TENM4: variants seen among roughly 807,000 people sequenced by gnomAD.
The protein encoded by TENM4 is teneurin transmembrane protein 4.
A neutral mutation model predicts 243.3 loss-of-function variants in TENM4; 82 were observed. The observed-to-expected ratio is 0.34, with a 90% CI of 0.28 to 0.40. The LOEUF is 0.40. TENM4 is among the 10% of genes least tolerant of loss of function. TENM4 has a pLI of 1.00. For missense variants in TENM4, 3,138 were observed against 3,673.3 expected, an observed-to-expected ratio of 0.85 and a Z score of 3.77; for synonymous variants, 1,412 against 1,456.3, an observed-to-expected ratio of 0.97 and a Z score of 0.69.
chr11:78,717,986 C>T (rs1266995688), intron 25 of TENM4, among the ~76,000 whole-genome samples: 1 of 152,228 alleles, frequency 6.6e-6, no homozygotes, highest in African/African-American at 2.4e-5. Context: ...ACACAGCAGG[C>T]TGGCACTGAG....
intron 12 of TENM4, among the ~76,000 whole-genome samples, chr11:78,836,339 A>C (rs1386408197): frequency 6.6e-6 from 1 of 152,218 alleles, no homozygotes; most frequent in African/African-American, 2.4e-5. Flanking sequence ...AACAAGAGTG[A>C]GACTCTGTCC....
intron 1 of TENM4, among the ~76,000 whole-genome samples, chr11:79,379,931 T>C (rs1244506575): frequency 6.6e-6 from 1 of 152,146 alleles, no homozygotes; most frequent in Non-Finnish European, 1.5e-5. Context: ...TGTCAGGGGC[T>C]GGGGGATCAA....
chr11:78,720,497 A>G (rs1859622882), intron 24 of TENM4, 107 bp from the exon 25 acceptor site: 1 of 1,076,740 alleles, frequency 9.3e-7, no homozygotes, highest in Non-Finnish European at 1.4e-6. Context: ...GGTACTATAC[A>G]ATACTGTAAT....
chr11:78,951,392 G>T (rs1857106199), intron 6 of TENM4, among the ~76,000 whole-genome samples: 1 of 152,198 alleles, frequency 6.6e-6, no homozygotes, highest in Admixed American at 6.5e-5. Flanking sequence ...CCACAATTAG[G>T]TTGGGAGCAT....
intron 3 of TENM4, among the ~76,000 whole-genome samples, chr11:79,207,309 A>G (rs933721239): frequency 6.6e-6 from 1 of 152,226 alleles, no homozygotes; most frequent in Non-Finnish European, 1.5e-5. Flanking sequence ...AAGAATAATA[A>G]TATCCCAACT....
At chr11:78,903,547 G>C (rs776801061) in intron 6 of TENM4, 24 bp from the exon 7 acceptor site, 15 of 1,542,704 alleles carry the variant, frequency 9.7e-6, no homozygotes, top group Non-Finnish European at 8.7e-7. Context: ...ATGGCGGTCA[G>C]CGGCGGTGAG....
intron 6 of TENM4, chr11:79,014,593 A>G (rs552622966): frequency 3.5e-4 from 53 of 152,308 alleles, no homozygotes; most frequent in African/African-American, 1.2e-3. Context: ...TTAGGCCCCA[A>G]ATGGTCTTCA....
intron 6 of TENM4, among the ~76,000 whole-genome samples, chr11:79,005,492 A>G (rs1238617869): frequency 1.3e-5 from 2 of 152,224 alleles, no homozygotes; most frequent in Non-Finnish European, 2.9e-5. Context: ...ACAAAACTCA[A>G]AACAAAAACC....
chr11:79,043,244 A>T (rs1007184968), intron 6 of TENM4, among the ~76,000 whole-genome samples: 1 of 152,214 alleles, frequency 6.6e-6, no homozygotes, highest in African/African-American at 2.4e-5. Flanking sequence ...TATTGTGTTC[A>T]TACCTCAGAT....
chr11:79,426,180 AT>A (rs1416854416), intron 1 of TENM4, among the ~76,000 whole-genome samples: 1 of 152,230 alleles, frequency 6.6e-6, no homozygotes, highest in Non-Finnish European at 1.5e-5. Context: ...CATATCTTCT[AT>A]TAAAAATGTT....
intron 27 of TENM4, 107 bp downstream of exon 27, chr11:78,708,254 C>T: frequency 6.8e-7 from 1 of 1,478,172 alleles, no homozygotes; most frequent in Non-Finnish European, 9.2e-7. Context: ...AGTAGGTGCT[C>T]TTTAAAGGCT....
intron 3 of TENM4, among the ~76,000 whole-genome samples, chr11:79,209,607 TGAGTA>T (rs1265690833): frequency 6.6e-6 from 1 of 152,200 alleles, no homozygotes; most frequent in Non-Finnish European, 1.5e-5. Context: ...CTGAGTGCTC[TGAGTA>T]GAGACTGGAG....
chr11:79,017,345 G>A (rs1262915180), intron 6 of TENM4, among the ~76,000 whole-genome samples: 3 of 152,176 alleles, frequency 2.0e-5, no homozygotes, highest in Admixed American at 2.0e-4. Flanking sequence ...GGCTTTTCCA[G>A]GGAAGAAATG....
chr11:79,258,034 TAC>T (rs1236649872), intron 2 of TENM4, among the ~76,000 whole-genome samples: 1 of 152,186 alleles, frequency 6.6e-6, no homozygotes, highest in Non-Finnish European at 1.5e-5. Flanking sequence ...CAATCCATGG[TAC>T]AGACAGGTTG....
chr11:78,717,138 C>T (rs1270355019), intron 25 of TENM4, among the ~76,000 whole-genome samples: 3 of 152,178 alleles, frequency 2.0e-5, no homozygotes, highest in South Asian at 2.1e-4. Context: ...TCAAACATAA[C>T]CTTAGTTTCT....
chr11:78,913,163 G>T (rs1945252), intron 6 of TENM4, among the ~76,000 whole-genome samples: 23 of 152,216 alleles, frequency 1.5e-4, no homozygotes, highest in African/African-American at 4.8e-4. Flanking sequence ...CAAGGCAAAA[G>T]GATGGAATGA....
intron 6 of TENM4, among the ~76,000 whole-genome samples, chr11:79,000,392 A>T (rs1025209040): frequency 3.3e-5 from 5 of 152,166 alleles, no homozygotes; most frequent in African/African-American, 1.2e-4. Flanking sequence ...TAATATCTTT[A>T]AAAAATATAA....
chr11:79,440,061 C>G lies in TENM4; in HGVS notation c.-321+448G>C, dbSNP rs967145445. On this transcript the variant is annotated intron_variant, in intron 1 of 33. Transcript: ENST00000278550. The surrounding 1 kb of genome is among the most constrained non-coding windows in gnomAD (Gnocchi z 4.7). ...CTTGCCCCGCAGGGCAGGCTGCAGC[C>G]GCTGAAGCCCGGCGCCGCCTCGCGG... Among the ~76,000 whole-genome samples, 2 of 152,094 alleles carry G rather than the reference C, an allele frequency of 1.3e-5. No homozygotes were observed. The highest frequency in any genetic ancestry group is 2.9e-5 in the Non-Finnish European group (2 of 67,994).
chr11:78,661,169 G>C (rs1021613902), intron 33 of TENM4, among the ~76,000 whole-genome samples: 2 of 152,162 alleles, frequency 1.3e-5, no homozygotes, highest in African/African-American at 4.8e-5. Flanking sequence ...TTTTGTTCTG[G>C]ATAGTGACCA....
Sources: gnomAD v4.1 joint callset for allele counts (sites outside exome capture counted in the v4.1 genomes callset) on GRCh38, gnomAD v4.1.1 for gene constraint, Gnocchi (gnomAD v3.1) non-coding constraint, MANE v1.5 for transcripts, NCBI Gene and HGNC (gene_info 2026-07-23, HGNC 2026-07-21) for gene names.